KIAA0319L: variants seen among roughly 807,000 people sequenced by gnomAD.
KIAA0319L encodes dyslexia-associated protein KIAA0319-like protein.
A neutral mutation model predicts 120.1 loss-of-function variants in KIAA0319L; 55 were observed. The observed-to-expected ratio is 0.46, with a 90% confidence interval of 0.37 to 0.57. The LOEUF (loss-of-function observed/expected upper bound fraction) is 0.57, where lower values mean the gene tolerates loss of function less well. Ranked by LOEUF, KIAA0319L falls within the 20% of genes least tolerant of loss-of-function variation. KIAA0319L has a pLI of 0.00. For synonymous variants in KIAA0319L, 398 were observed against 471.9 expected (o/e 0.84, Z 2.03); for missense variants, 1,049 against 1,255.3 (o/e 0.84, Z 2.48).
At chr1:35,500,164 G>C (rs916318352) in intron 3 of KIAA0319L, among the ~76,000 whole-genome samples, 38 of 152,206 alleles carry the variant, frequency 2.5e-4, no homozygotes, top group Non-Finnish European at 4.3e-4. Context: ...TACATGCAGG[G>C]ATACCTAAGT....
intron 2 of KIAA0319L, among the ~76,000 whole-genome samples, chr1:35,534,068 G>C (rs1646474670): frequency 6.6e-6 from 1 of 152,188 alleles, no homozygotes; most frequent in Non-Finnish European, 1.5e-5. Flanking sequence ...CTTTTCAAAA[G>C]GGGTAACATT....
intron 2 of KIAA0319L, among the ~76,000 whole-genome samples, chr1:35,543,129 A>C (rs570548801): frequency 6.6e-6 from 1 of 152,344 alleles, no homozygotes; most frequent in South Asian, 2.1e-4. Flanking sequence ...AGAGAGACCA[A>C]CTTTAGCAAA....
chr1:35,494,160 A>G (rs1258816321), intron 3 of KIAA0319L, among the ~76,000 whole-genome samples: 2 of 152,138 alleles, frequency 1.3e-5, no homozygotes, highest in Admixed American at 1.3e-4. Flanking sequence ...ATTTAAACAT[A>G]TATTACAGCC....
chr1:35,434,871 C>T lies in KIAA0319L; in HGVS notation c.*23G>A. ...TGGCCGGGCAGTGTGCTGGGCCCTG[C>T]CCTGAGGAGACAGACCAGGTGGCTA... On this transcript the variant is annotated 3_prime_UTR_variant, in exon 21 of 21. Transcript: ENST00000325722. 8 of 1,606,052 alleles carry T rather than the reference C, an allele frequency of 5.0e-6. No homozygotes were observed. Among genetic ancestry groups the T allele is most frequent in the Non-Finnish European group, 6.0e-6 (7 of 1,175,984 alleles).
In KIAA0319L at chr1:35,441,096, C is replaced by T; in HGVS notation, c.2913G>A (p.Leu971=). The T allele has an allele frequency of 6.2e-7, 1 of 1,614,166 alleles. No individual in the cohort carries two copies. Among genetic ancestry groups the T allele is most frequent in the Non-Finnish European group, 8.5e-7 (1 of 1,180,026 alleles). ...KPKRKSKYKI[L]DATDQESLEL... is the part of the protein sequence containing the mutation. Reference sequence around the variant, plus strand: ...CCAGGCTTTCCTGATCCGTGGCATCCAGGATCTTGTACTTGCTTTTCCTCT... The same window carrying T: ...CCAGGCTTTCCTGATCCGTGGCATCTAGGATCTTGTACTTGCTTTTCCTCT... Residue 971 remains leucine, a synonymous_variant, in exon 20 of 21, where the codon CTG becomes CTA. Coordinates refer to ENST00000325722, the MANE Select transcript of KIAA0319L (RefSeq NM_024874.5).
rs138233952 is a variant in KIAA0319L, at chr1:35,502,421, GTCATCA to G, written c.666+4185_666+4190del. ...TCAGTAAACATCAGTTATTGCTGCT[GTCATCA>G]TCATCATCATCATCATCATCATCAT... On this transcript the variant is annotated intron_variant, in intron 3 of 20. Transcript: ENST00000325722. Among the ~76,000 whole-genome samples, 195 of 149,940 alleles carry G rather than the reference GTCATCA, an allele frequency of 1.3e-3. 2 individuals carry two copies. The highest frequency in any genetic ancestry group is 1.6e-3 in the Non-Finnish European group (108 of 67,614).
In KIAA0319L at chr1:35,442,299, G is replaced by T; in HGVS notation, c.2817C>A (p.Val939=). Reference sequence around the variant, plus strand: ...ACAGGATTCCCAAGGCAACAACAATGACAAAGGTAGCAATGATAACATATA... The same window carrying T: ...ACAGGATTCCCAAGGCAACAACAATTACAAAGGTAGCAATGATAACATATA... The part of the protein sequence containing the change: ...SVLYVIIATF[V]IVVALGILSW... Residue 939 remains valine (V), a synonymous_variant, in exon 19 of 21, where the codon GTC becomes GTA. Coordinates refer to ENST00000325722, the MANE Select transcript of KIAA0319L (RefSeq NM_024874.5). 1 of 1,613,972 alleles carries T rather than the reference G, an allele frequency of 6.2e-7. No individual in the cohort carries two copies. The highest frequency in any genetic ancestry group is 1.1e-5 in the South Asian group (1 of 91,070).
At chr1:35,460,838 T>C (rs1319369780) in intron 8 of KIAA0319L, among the ~76,000 whole-genome samples, 1 of 152,212 alleles carries the variant, frequency 6.6e-6, no homozygotes, top group Non-Finnish European at 1.5e-5. Context: ...GGTAAAGGTG[T>C]GGAGAAAGAG....
Position 35,535,757 on chromosome 1 carries a change from A to G in KIAA0319L, c.142+18593T>C, listed in dbSNP as rs190774621. 2.4e-3 allele frequency among the ~76,000 whole-genome samples: 371 copies of G among 152,270 alleles called. 2 individuals are homozygous for G. The highest frequency in any genetic ancestry group is 7.9e-3 in the African/African-American group (330 of 41,560). ...CTTCTCCCATGAAACCTTCACCCCA[A>G]GATGCCTCTCTTCTGTGCATCCTAC... On this transcript the variant is annotated intron_variant, in intron 2 of 20. Coordinates refer to ENST00000325722, the MANE Select transcript of KIAA0319L (RefSeq NM_024874.5).
chr1:35,549,927 T>C (rs1170945922), intron 2 of KIAA0319L, among the ~76,000 whole-genome samples: 1 of 152,256 alleles, frequency 6.6e-6, no homozygotes, highest in Non-Finnish European at 1.5e-5. Flanking sequence ...AGAGGCAACA[T>C]GTCTGCTCTC....
intron 2 of KIAA0319L, among the ~76,000 whole-genome samples, chr1:35,526,507 C>T (rs904302580): frequency 6.7e-6 from 1 of 148,644 alleles, no homozygotes; most frequent in East Asian, 2.0e-4. Flanking sequence ...GTGTAGTGGT[C>T]CAATCTTAGC....
Position 35,469,885 on chromosome 1 carries a change from T to C in KIAA0319L, c.1113+978A>G, listed in dbSNP as rs770335524. Among the ~76,000 whole-genome samples the C allele has an allele frequency of 2.0e-4, 30 of 152,112 alleles. 1 individual carries two copies. In the Middle Eastern group the frequency reaches 0.017, roughly 86 times the overall value. On this transcript the variant is annotated intron_variant, in intron 6 of 20. Transcript: ENST00000325722. The stretch of plus-strand genomic sequence containing the variant: ...GGCCAAAGAATACAAACTTTTTTCT[T>C]AGAGAAAAGATCTCACTTTGTCACC...
Position 35,557,317 on chromosome 1 carries a change from AGG to A in KIAA0319L, c.-141_-140del, listed in dbSNP as rs1415950183. On this transcript the variant is annotated 5_prime_UTR_variant, in exon 1 of 21. Transcript: ENST00000325722. Reference sequence around the variant, plus strand: ...CGCTCCCCTCACCCGGAGGAGGAGGAGGAAGAGGAAGAAGGTAGTGCGGGCTC... The same window carrying A: ...CGCTCCCCTCACCCGGAGGAGGAGGAAAGAGGAAGAAGGTAGTGCGGGCTC... 10 of 228,240 alleles carry A rather than the reference AGG, an allele frequency of 4.4e-5. No homozygotes were observed. In the East Asian group the frequency reaches 1.4e-3, roughly 31 times the overall value. The allele number at this position is 228,240 out of a possible 1,614,324, so 14.1% of individuals were successfully genotyped here.
rs545261053 is a variant in KIAA0319L at position 35,434,619 on chromosome 1, C to T, written c.*275G>A. On this transcript the variant is annotated 3_prime_UTR_variant, in exon 21 of 21. Transcript: ENST00000325722. ...CTTAGCAGCTGGCTGGGTCTGCCCT[C>T]GGGGGAGGGGAGGAGTTTGCAAAAA... 190 of 419,020 alleles carry T rather than the reference C, an allele frequency of 4.5e-4. 1 individual carries two copies. Among genetic ancestry groups the T allele is most frequent in the African/African-American group, 3.5e-3 (172 of 49,184 alleles). 26.0% of individuals were successfully genotyped at this position (419,020 alleles called of 1,614,324 possible). A position where few individuals can be genotyped will look rare whatever the true frequency, so the allele number is the denominator to read the frequency against.
intron 3 of KIAA0319L, among the ~76,000 whole-genome samples, chr1:35,482,463 CTT>C (rs1029516579): frequency 6.9e-6 from 1 of 143,886 alleles, no homozygotes; most frequent in African/African-American, 2.6e-5. Context: ...GAGTTTCGCT[CTT>C]GTTGCCCAGG....
intron 8 of KIAA0319L, among the ~76,000 whole-genome samples, chr1:35,461,854 C>T (rs1049618015): frequency 6.6e-6 from 1 of 152,084 alleles, no homozygotes; most frequent in Non-Finnish European, 1.5e-5. Context: ...CTTGCCAGCA[C>T]CATCAACATC....
chr1:35,442,469 C>A (rs1262542102), intron 18 of KIAA0319L, 133 bp from the exon 19 acceptor site: 2 of 718,576 alleles, frequency 2.8e-6, no homozygotes, highest in East Asian at 2.5e-5. Context: ...GAAGGTAAGA[C>A]CTTGGAGTTA....
intron 2 of KIAA0319L, among the ~76,000 whole-genome samples, chr1:35,517,258 A>G (rs1365507632): frequency 2.0e-5 from 3 of 152,192 alleles, no homozygotes; most frequent in Non-Finnish European, 4.4e-5. Flanking sequence ...TAGCCCATAC[A>G]ATGCTAAGCC....
At chr1:35,503,595 T>A (rs1231326578) in intron 3 of KIAA0319L, among the ~76,000 whole-genome samples, 3 of 152,166 alleles carry the variant, frequency 2.0e-5, no homozygotes, top group African/African-American at 7.2e-5. Flanking sequence ...CTCTAAGGGA[T>A]TATTCATTAT....
Sources: allele counts gnomAD v4.1 joint callset (sites outside exome capture counted in the v4.1 genomes callset), GRCh38; gene constraint gnomAD v4.1.1; transcripts MANE v1.5; gene names NCBI Gene and HGNC (gene_info 2026-07-23, HGNC 2026-07-21).